Variants in NR1I3 observed in about 807,000 individuals in gnomAD.
NR1I3 encodes the protein nuclear receptor subfamily 1 group I member 3.
In NR1I3, 30 loss-of-function variants were observed where a neutral mutation model predicts 38.4. The ratio of observed to expected loss-of-function variants is 0.78; its 90% CI spans 0.58 to 1.06. NR1I3 has a LOEUF of 1.06. Ranked by LOEUF, NR1I3 falls within the 50% of genes least tolerant of loss-of-function variation. NR1I3 has a pLI of 0.00. For missense variants in NR1I3, 388 were observed against 435.7 expected, an observed-to-expected ratio of 0.89 and a Z score of 0.97; for synonymous variants, 143 against 165.1, an observed-to-expected ratio of 0.87 and a Z score of 1.03.
chr1:161,229,994 T>C, intron 8 of NR1I3, 68 bp from the exon 9 acceptor site: 1 of 1,573,820 alleles, frequency 6.4e-7, no homozygotes, highest in Admixed American at 1.7e-5. Context: ...GTCTTGTCTC[T>C]AGGCCCTGAT....
In NR1I3 at chr1:161,233,267, C is replaced by T. The variant is rs1318742060; in HGVS notation, c.310G>A (p.Val104Met). ...TCTTCTTGCTCCTTACTCAGTTGCACAGGTGTTTGCTGTGCCCGCCGCTGG... is the reference window on the plus strand; with the variant it reads ...TCTTCTTGCTCCTTACTCAGTTGCATAGGTGTTTGCTGTGCCCGCCGCTGG... ...QAQRRAQQTPVQLSKEQEELI... is the reference protein window; with the variant it reads ...QAQRRAQQTPMQLSKEQEELI... The change falls in exon 4 of 9, where the codon GTG becomes ATG. Residue 104 changes from valine (V) to methionine (M), a missense_variant. Val to Met is a conservative substitution (Grantham distance 21, BLOSUM62 1). Transcript: ENST00000367983. 2 of 1,614,052 alleles carry T rather than the reference C, an allele frequency of 1.2e-6. No homozygotes were observed. The highest frequency in any genetic ancestry group is 1.7e-6 in the Non-Finnish European group (2 of 1,180,034).
At chr1:161,231,795 C>T (rs1402931644) in intron 5 of NR1I3, among the ~76,000 whole-genome samples, 1 of 152,008 alleles carries the variant, frequency 6.6e-6, no homozygotes, top group South Asian at 2.1e-4. Flanking sequence ...AGCCACTGCA[C>T]CCGGCCCACT....
chr1:161,237,920 G>C, intron 1 of NR1I3, 121 bp downstream of exon 1: 1 of 946,996 alleles, frequency 1.1e-6, no homozygotes, highest in Non-Finnish European at 1.7e-6. Flanking sequence ...CTGGGCTCAA[G>C]CGATCCCCCC....
At chr1:161,233,869 G>C (rs1667944268) in intron 3 of NR1I3, among the ~76,000 whole-genome samples, 1 of 145,084 alleles carries the variant, frequency 6.9e-6, no homozygotes, top group East Asian at 2.0e-4. Flanking sequence ...GTGTGTGTGT[G>C]TGTGTGTGTG....
intron 8 of NR1I3, chr1:161,230,172 G>T: frequency 2.0e-6 from 1 of 494,582 alleles, no homozygotes. Context: ...AGAGCCGAGT[G>T]TGAAGAAAGC....
At chr1:161,230,406 T>A in intron 8 of NR1I3, 1 of 377,982 alleles carries the variant, frequency 2.6e-6, no homozygotes, top group East Asian at 5.1e-5. Context: ...TGAATGGCCC[T>A]AACTTCAAGG....
At chr1:161,233,981 A>G (rs149151778) in intron 3 of NR1I3, among the ~76,000 whole-genome samples, 4 of 127,046 alleles carry the variant, frequency 3.1e-5, no homozygotes, top group East Asian at 2.3e-4. Flanking sequence ...GTATATATAT[A>G]TTTTTTTGTT....
intron 5 of NR1I3, among the ~76,000 whole-genome samples, chr1:161,232,551 G>A (rs918264887): frequency 6.6e-6 from 1 of 152,076 alleles, no homozygotes; most frequent in Non-Finnish European, 1.5e-5. Flanking sequence ...GCCAGCCTCC[G>A]CCTCCCAAAG....
In NR1I3 at chr1:161,230,888, A is replaced by G. The variant is rs775926630; in HGVS notation, c.842T>C (p.Ile281Thr). The G allele has an allele frequency of 8.7e-5, 140 of 1,614,096 alleles. 1 individual carries two copies. In the Middle Eastern group the frequency reaches 2.6e-3, roughly 30 times the overall value. The change falls in exon 8 of 9, where the codon ATT (isoleucine) becomes ACT (threonine). Residue 281 changes from isoleucine to threonine, a missense_variant. Physicochemically the swap from Ile to Thr is moderately conservative, Grantham distance 89. Transcript: ENST00000367983. The stretch of plus-strand genomic sequence containing the variant: ...TGCCATCTCCTCTTGCAGCTGATCA[A>G]TCTCATCTCTCTGGGTAACTCCAGG... ...DRPGVTQRDE[I>T]DQLQEEMALT...
Position 161,230,796 on chromosome 1 carries a change from T to G in NR1I3, c.917+17A>C, listed in dbSNP as rs2307418. Reference sequence around the variant, plus strand: ...CTGCCCTGGTGTGGCCTCCAAGCCCTCAGTGTCCCACCGTACCGATCCCGG... The same window carrying G: ...CTGCCCTGGTGTGGCCTCCAAGCCCGCAGTGTCCCACCGTACCGATCCCGG... On this transcript the variant is annotated intron_variant, in intron 8 of 8. Transcript: ENST00000367983. The G allele has an allele frequency of 0.15, 234,723 of 1,613,778 alleles. 18,450 individuals carry two copies. Among genetic ancestry groups the G allele is most frequent in the Middle Eastern group, 0.19 (1,134 of 6,062 alleles).
chr1:161,229,814 G>A lies in NR1I3; in HGVS notation c.1030C>T (p.Gln344Ter). 1 of 1,614,224 alleles carries A rather than the reference G, an allele frequency of 6.2e-7. No individual in the cohort carries two copies. The highest frequency in any genetic ancestry group is 8.5e-7 in the Non-Finnish European group (1 of 1,180,046). The part of the protein sequence containing the change: ...QGLSAMMPLL[Q>*]EICS ...GCATGGCCTCAGCTGCAGATCTCCT[G>A]GAGCAGCGGCATCATGGCAGACAGG... Residue 344 changes from glutamine (Q) to a stop codon, truncating the protein, a stop_gained, in exon 9 of 9, where the codon CAG becomes TAG. Transcript: ENST00000367983. LOFTEE classifies it high-confidence loss of function.
At chr1:161,236,037 A>G in intron 2 of NR1I3, 60 bp from the exon 3 acceptor site, 1 of 1,527,116 alleles carries the variant, frequency 6.5e-7, no homozygotes, top group Non-Finnish European at 8.8e-7. Flanking sequence ...AGGGGCTGAG[A>G]TGACATGGTC....
Position 161,235,985 on chromosome 1 carries a change from AC to A in NR1I3, c.108-9del. 1.3e-6 allele frequency: 2 copies of A among 1,581,812 alleles called. No homozygotes were observed. The highest frequency in any genetic ancestry group is 1.7e-6 in the Non-Finnish European group (2 of 1,164,738). Reference sequence around the variant, plus strand: ...CTTTTGCTGACTGTTCTCCTGTGAGACACAGAGATGTTGTTAGAGTCTGGGA... The same window carrying A: ...CTTTTGCTGACTGTTCTCCTGTGAGAACAGAGATGTTGTTAGAGTCTGGGA... On this transcript the variant is annotated splice_polypyrimidine_tract_variant and intron_variant, in intron 2 of 8. Transcript: ENST00000367983.
rs1182874933 is a variant in NR1I3 at position 161,237,922 on chromosome 1, G to A, written c.-34+119C>T. ...TGGTCTTGAACTCCTGGGCTCAAGC[G>A]ATCCCCCCACCTTGGCCTCCCAAAG... On this transcript the variant is annotated intron_variant, in intron 1 of 8. Transcript: ENST00000367983. 19 of 957,650 alleles carry A rather than the reference G, an allele frequency of 2.0e-5. No individual in the cohort carries two copies. In the East Asian group the frequency reaches 4.0e-4, roughly 20 times the overall value. The allele number at this position is 957,650 out of a possible 1,614,324, so 59.3% of individuals were successfully genotyped here. A position where few individuals can be genotyped will look rare whatever the true frequency, so the allele number is the denominator to read the frequency against.
At position 161,231,140 on chromosome 1, in the gene NR1I3, G is replaced by A; in HGVS notation, c.788C>T (p.Ala263Val). 1.2e-6 allele frequency: 2 copies of A among 1,614,184 alleles called. No individual in the cohort carries two copies. The highest frequency in any genetic ancestry group is 1.7e-6 in the Non-Finnish European group (2 of 1,180,044). Residue 263 changes from alanine to valine, a missense_variant, in exon 7 of 9, where the codon GCT becomes GTT. Coordinates refer to ENST00000367983, the MANE Select transcript of NR1I3 (RefSeq NM_005122.5). Reference protein sequence around the residue: ...QLQEPEYVLLAAMALFSPDRP... With the variant: ...QLQEPEYVLLVAMALFSPDRP... Reference sequence around the variant, plus strand: ...ACCAGGAGAGAAGAGGGCCATGGCAGCCAAGAGCACATACTCAGGCTCTTG... The same window carrying A: ...ACCAGGAGAGAAGAGGGCCATGGCAACCAAGAGCACATACTCAGGCTCTTG...
In NR1I3 at chr1:161,232,802, C is replaced by G; in HGVS notation, c.548+5G>C. On this transcript the variant is annotated splice_donor_5th_base_variant and intron_variant, in intron 5 of 8. Transcript: ENST00000367983. ...CCTCCTGAAAGATGAGGGGAGGTCA[C>G]TCACCGGAAGACGGGCAGGTCCTTA... is the stretch of plus-strand genomic sequence containing the variant. 6.2e-7 allele frequency: 1 copy of G among 1,614,130 alleles called. No homozygotes were observed. The highest frequency in any genetic ancestry group is 8.5e-7 in the Non-Finnish European group (1 of 1,179,984).
chr1:161,231,279 A>G, intron 6 of NR1I3, 46 bp from the exon 7 acceptor site: 2 of 1,612,934 alleles, frequency 1.2e-6, no homozygotes, highest in Non-Finnish European at 1.7e-6. Flanking sequence ...ACCTGACCAC[A>G]TCCTGTACCA....
chr1:161,235,829 T>C lies in NR1I3; in HGVS notation c.238+18A>G. 6.2e-7 allele frequency: 1 copy of C among 1,613,752 alleles called. No individual in the cohort carries two copies. The highest frequency in any genetic ancestry group is 8.5e-7 in the Non-Finnish European group (1 of 1,179,880). On this transcript the variant is annotated intron_variant, in intron 3 of 8. Transcript: ENST00000367983. ...AGACGCAGTCAATGGATTCTTGAGA[T>C]GTAGGGGGCCAACTCACTGTCTTTC...
chr1:161,230,643 T>C, intron 8 of NR1I3, 170 bp downstream of exon 8: 1 of 838,472 alleles, frequency 1.2e-6, no homozygotes, highest in South Asian at 1.8e-5. Context: ...TACAGCAATT[T>C]GGATGCTGAA....
Sources: allele counts gnomAD v4.1 joint callset (sites outside exome capture counted in the v4.1 genomes callset), GRCh38; gene constraint gnomAD v4.1.1; transcripts MANE v1.5; gene names NCBI Gene and HGNC (gene_info 2026-07-23, HGNC 2026-07-21).